The following INTS4 variants were observed in gnomAD, a reference collection of about 807,000 sequenced individuals.
INTS4 encodes the protein MSTP093.
Under a neutral mutation model 119.5 loss-of-function variants are expected in INTS4, and 70 were observed. The observed-to-expected ratio is 0.59, with a 90% CI of 0.48 to 0.71. The LOEUF (loss-of-function observed/expected upper bound fraction) is 0.71, where lower values mean the gene tolerates loss of function less well. Among genes scored for constraint, INTS4 ranks in the 30% least tolerant of loss-of-function variants. INTS4 has a pLI of 0.00. For missense variants in INTS4, 867 were observed against 1,173.2 expected (o/e 0.74, Z 3.81); for synonymous variants, 316 against 419.6 (o/e 0.75, Z 3.02).
chr11:77,988,061 T>A (rs1053832585), intron 2 of INTS4, among the ~76,000 whole-genome samples: 43 of 152,274 alleles, frequency 2.8e-4, no homozygotes, highest in African/African-American at 8.9e-4. Context: ...TTTTAAAAAA[T>A]TTTTTAAAGA....
At chr11:77,928,717 C>T (rs1283560568) in intron 10 of INTS4, among the ~76,000 whole-genome samples, 170 bp from the exon 11 acceptor site, 1 of 152,136 alleles carries the variant, frequency 6.6e-6, no homozygotes, top group Non-Finnish European at 1.5e-5. Context: ...GGTGTGGTAG[C>T]GTGCGCCTGT....
At chr11:77,925,898 C>T (rs1953486790) in intron 11 of INTS4, among the ~76,000 whole-genome samples, 1 of 152,254 alleles carries the variant, frequency 6.6e-6, no homozygotes. Context: ...TAGCTAGCTT[C>T]TGTTTATCAT....
chr11:77,978,851 C>T, intron 4 of INTS4, 145 bp downstream of exon 4: 1 of 534,030 alleles, frequency 1.9e-6, no homozygotes, highest in Non-Finnish European at 3.5e-6. Flanking sequence ...TGACGAAATA[C>T]ACTTTATAAC....
chr11:77,947,044 T>A, intron 8 of INTS4, among the ~76,000 whole-genome samples: 1 of 147,778 alleles, frequency 6.8e-6, no homozygotes. Context: ...AACAATAGAC[T>A]AGGATCAAGC....
intron 4 of INTS4, among the ~76,000 whole-genome samples, chr11:77,977,431 TTA>T (rs1305892284): frequency 6.6e-6 from 1 of 150,926 alleles, no homozygotes; most frequent in Non-Finnish European, 1.5e-5. Context: ...CCATTACAAA[TTA>T]TGTTTATAAA....
Position 77,908,674 on chromosome 11 carries a change from G to A in INTS4, c.1923-864C>T, listed in dbSNP as rs539727664. ...TAAAATATGGAATGGTTAATAAGGT[G>A]TATGATCTCAACTATGTAAAAACTA... On this transcript the variant is annotated intron_variant, in intron 15 of 22. Coordinates refer to ENST00000534064, the MANE Select transcript of INTS4 (RefSeq NM_033547.4). Among the ~76,000 whole-genome samples, 10 of 152,276 alleles carry A rather than the reference G, an allele frequency of 6.6e-5. 1 individual carries two copies. In the East Asian group the frequency reaches 1.4e-3, roughly 21 times the overall value.
rs558190374 is a variant in INTS4, at chr11:77,909,327, T to C, written c.1923-1517A>G. Among the ~76,000 whole-genome samples the C allele has an allele frequency of 1.5e-4, 23 of 152,310 alleles. No individual in the cohort carries two copies. In the East Asian group the frequency reaches 4.2e-3, roughly 28 times the overall value. On this transcript the variant is annotated intron_variant, in intron 15 of 22. Coordinates refer to ENST00000534064, the MANE Select transcript of INTS4 (RefSeq NM_033547.4). Reference sequence around the variant, plus strand: ...ATGCAACTGCTATAACAAAATATCATAGACTGGGTGGGTTATAAACAACCG... The same window carrying C: ...ATGCAACTGCTATAACAAAATATCACAGACTGGGTGGGTTATAAACAACCG...
chr11:77,964,949 G>T (rs926824372), intron 4 of INTS4, among the ~76,000 whole-genome samples: 7 of 152,006 alleles, frequency 4.6e-5, no homozygotes, highest in Admixed American at 1.3e-4. Context: ...ATATATTTTT[G>T]GGATACAATG....
intron 10 of INTS4, among the ~76,000 whole-genome samples, chr11:77,933,683 C>T (rs1407275052): frequency 6.6e-6 from 1 of 152,024 alleles, no homozygotes; most frequent in African/African-American, 2.4e-5. Flanking sequence ...GCCTGGCCGC[C>T]CATCATCTGG....
At chr11:77,914,095 A>T (rs193259470) in intron 15 of INTS4, among the ~76,000 whole-genome samples, 125 of 152,330 alleles carry the variant, frequency 8.2e-4, no homozygotes, top group African/African-American at 3.0e-3. Context: ...GATGGTTGTA[A>T]AACATCGCAG....
downstream of INTS4, among the ~76,000 whole-genome samples, chr11:77,874,757 C>T (rs1046866807): frequency 5.3e-5 from 8 of 152,160 alleles, no homozygotes; most frequent in African/African-American, 7.2e-5. Flanking sequence ...AAGAAGTTGG[C>T]CGGGTGCGGT....
In INTS4 at chr11:77,994,633, T is replaced by C; in HGVS notation, c.11A>G (p.His4Arg). 1 of 1,614,098 alleles carries C rather than the reference T, an allele frequency of 6.2e-7. No homozygotes were observed. Among genetic ancestry groups the C allele is most frequent in the African/African-American group, 1.3e-5 (1 of 75,026 alleles). The part of the protein sequence containing the change: MAA[H>R]LKKRVYEEFT... ...TTCCTCATAAACCCGCTTCTTAAGGTGCGCCGCCATGCCTACCCGCGGGCC... is the reference window on the plus strand; with the variant it reads ...TTCCTCATAAACCCGCTTCTTAAGGCGCGCCGCCATGCCTACCCGCGGGCC... Residue 4 changes from histidine to arginine, a missense_variant, in exon 1 of 23, where the codon CAC becomes CGC. Transcript: ENST00000534064.
chr11:77,876,549 A>C (rs907820450), downstream of INTS4, among the ~76,000 whole-genome samples: 65 of 152,172 alleles, frequency 4.3e-4, no homozygotes, highest in Non-Finnish European at 7.3e-4. Context: ...ATTGCTTAGC[A>C]ACAAATTTGT....
At chr11:77,895,162 G>T (rs1264707548) in intron 18 of INTS4, among the ~76,000 whole-genome samples, 1 of 152,012 alleles carries the variant, frequency 6.6e-6, no homozygotes, top group Non-Finnish European at 1.5e-5. Context: ...CAGGCAACAT[G>T]CTAGGTCAGT....
At chr11:77,978,033 C>T (rs2136635523) in intron 4 of INTS4, 1 of 152,170 alleles carries the variant, frequency 6.6e-6, no homozygotes, top group African/African-American at 2.4e-5. Context: ...GGATTACAGG[C>T]AGGCATCACC....
intron 6 of INTS4, 58 bp downstream of exon 6, chr11:77,960,283 C>T (rs922280773): frequency 1.3e-5 from 16 of 1,249,416 alleles, no homozygotes; most frequent in Admixed American, 7.1e-5. Context: ...ACCTGTGTGC[C>T]GCCCTCCCAG....
chr11:77,990,815 T>A (rs3819256), intron 2 of INTS4, among the ~76,000 whole-genome samples: 79,381 of 151,950 alleles, frequency 0.52, 20,946 homozygotes, highest in East Asian at 0.59. Context: ...GATTGATATT[T>A]ACTCCTCTTT....
At chr11:77,963,821 A>T (rs1855360997) in intron 4 of INTS4, among the ~76,000 whole-genome samples, 2 of 152,108 alleles carry the variant, frequency 1.3e-5, no homozygotes, top group African/African-American at 4.8e-5. Flanking sequence ...GTAGCTGGGG[A>T]CCACAGGTGT....
chr11:77,922,651 A>T lies in INTS4; in HGVS notation c.1515-180T>A, dbSNP rs539469618. ...ATTCTGGAACTCGGTTAATTCATCTAAAAAAACTGGTTATTATAAAGATAA... is the reference window on the plus strand; with the variant it reads ...ATTCTGGAACTCGGTTAATTCATCTTAAAAAACTGGTTATTATAAAGATAA... On this transcript the variant is annotated intron_variant, in intron 12 of 22. Coordinates refer to ENST00000534064, the MANE Select transcript of INTS4 (RefSeq NM_033547.4). The T allele has an allele frequency of 6.2e-4, 564 of 907,034 alleles. 3 individuals carry two copies. Among genetic ancestry groups the T allele is most frequent in the Middle Eastern group, 5.0e-3 (14 of 2,784 alleles). The allele number at this position is 907,034 out of a possible 1,614,324, so 56.2% of individuals were successfully genotyped here. A position where few individuals can be genotyped will look rare whatever the true frequency, so the allele number is the denominator to read the frequency against.
Sources: allele counts gnomAD v4.1 joint callset (sites outside exome capture counted in the v4.1 genomes callset), GRCh38; gene constraint gnomAD v4.1.1; transcripts MANE v1.5; gene names NCBI Gene and HGNC (gene_info 2026-07-23, HGNC 2026-07-21).